Variants in CUX2 observed in about 807,000 individuals in gnomAD.
CUX2 encodes the protein cut like homeobox 2.
In CUX2, 40 loss-of-function variants were observed where a neutral mutation model predicts 144.8. The observed-to-expected ratio is 0.28, with a 90% CI of 0.21 to 0.36. CUX2 has a LOEUF of 0.36. CUX2 is among the 10% of genes least tolerant of loss of function. CUX2 has a pLI of 1.00. For missense variants in CUX2, 1,615 were observed against 1,994.0 expected (o/e 0.81, Z 3.62); for synonymous variants, 827 against 875.6 (o/e 0.94, Z 0.98).
intron 1 of CUX2, among the ~76,000 whole-genome samples, chr12:111,158,188 C>T (rs1877517883): frequency 6.6e-6 from 1 of 152,198 alleles, no homozygotes; most frequent in South Asian, 2.1e-4. Flanking sequence ...CCTTCCCCCT[C>T]TCTTCCTCAC....
In CUX2 at chr12:111,160,114, G is replaced by A. The variant is rs975515873; in HGVS notation, c.64-54086G>A. 5.3e-5 allele frequency among the ~76,000 whole-genome samples: 8 copies of A among 152,224 alleles called. No individual in the cohort carries two copies. The highest frequency in any genetic ancestry group is 1.9e-4 in the African/African-American group (8 of 41,456). On this transcript the variant is annotated intron_variant, in intron 1 of 21. Transcript: ENST00000261726. This position sits in a 1 kb window ranked among gnomAD's most constrained non-coding sequence, Gnocchi z 4.1. ...TCAATATTCATTGAGCTCCTGCTGG[G>A]TGCTGGGCGCTGGGAATACAGCAAT...
intron 1 of CUX2, among the ~76,000 whole-genome samples, chr12:111,114,172 A>G (rs959203063): frequency 6.6e-6 from 1 of 152,220 alleles, no homozygotes; most frequent in African/African-American, 2.4e-5. Flanking sequence ...AATTTTTTCT[A>G]AAGTGGCTGT....
Position 111,322,650 on chromosome 12 carries a change from G to A in CUX2, c.2926+70G>A, listed in dbSNP as rs1887594344. 1 of 1,550,040 alleles carries A rather than the reference G, an allele frequency of 6.5e-7. No homozygotes were observed. Among genetic ancestry groups the A allele is most frequent in the Non-Finnish European group, 8.7e-7 (1 of 1,152,094 alleles). On this transcript the variant is annotated intron_variant, in intron 18 of 21. Transcript: ENST00000261726. The surrounding 1 kb of genome is among the most constrained non-coding windows in gnomAD (Gnocchi z 4.2). ...CACCTGCGCAGTGGCATGTCCGCCT[G>A]GCTTTACTGCCCGAGTCTACCTATC...
intron 4 of CUX2, among the ~76,000 whole-genome samples, chr12:111,272,109 T>G (rs1425036369): frequency 6.6e-6 from 1 of 152,224 alleles, no homozygotes; most frequent in Non-Finnish European, 1.5e-5. Flanking sequence ...TGATCTTAAT[T>G]TTTAAACATT....
chr12:111,143,901 G>T (rs1876496080), intron 1 of CUX2, among the ~76,000 whole-genome samples: 1 of 152,150 alleles, frequency 6.6e-6, no homozygotes, highest in Non-Finnish European at 1.5e-5. Flanking sequence ...AAACCTCTTT[G>T]TGTTTCCTTG....
chr12:111,048,749 T>C (rs1870119117), intron 1 of CUX2, among the ~76,000 whole-genome samples: 1 of 152,188 alleles, frequency 6.6e-6, no homozygotes, highest in Non-Finnish European at 1.5e-5. Flanking sequence ...ATGCAGGTAT[T>C]CTGTCCCAGG....
intron 1 of CUX2, among the ~76,000 whole-genome samples, chr12:111,047,859 A>G (rs1324325403): frequency 1.3e-5 from 2 of 152,196 alleles, no homozygotes; most frequent in Non-Finnish European, 2.9e-5. Flanking sequence ...CCGCCTGTTT[A>G]TTTAGGGTGA....
intron 1 of CUX2, among the ~76,000 whole-genome samples, chr12:111,104,841 C>T (rs148866453): frequency 2.0e-5 from 3 of 152,302 alleles, no homozygotes; most frequent in East Asian, 1.9e-4. Context: ...GTGACCTTGA[C>T]GCCTTTCAGG....
chr12:111,141,343 T>C (rs1463271379), intron 1 of CUX2, among the ~76,000 whole-genome samples: 1 of 152,154 alleles, frequency 6.6e-6, no homozygotes, highest in Non-Finnish European at 1.5e-5. Flanking sequence ...CTGTACTTGT[T>C]TGGTAACCTG....
chr12:111,308,565 G>A lies in CUX2; in HGVS notation c.1258+39G>A, dbSNP rs765079484. ...ATACTCTGGGGCTGAGGGCTGGGGC[G>A]GGGGCTGCCTGTGGGTCTCTGGCCT... is the stretch of plus-strand genomic sequence containing the variant. On this transcript the variant is annotated intron_variant, in intron 14 of 21. Coordinates refer to ENST00000261726, the MANE Select transcript of CUX2 (RefSeq NM_015267.4). 143 of 1,551,176 alleles carry A rather than the reference G, an allele frequency of 9.2e-5. 1 individual carries two copies. The highest frequency in any genetic ancestry group is 1.2e-4 in the Non-Finnish European group (135 of 1,139,428).
chr12:111,286,597 G>A (rs1885394259), intron 4 of CUX2, among the ~76,000 whole-genome samples: 1 of 152,082 alleles, frequency 6.6e-6, no homozygotes, highest in Non-Finnish European at 1.5e-5. Context: ...TAGTGGCCAG[G>A]CGCAGTGGCT....
rs987622682 is a variant in CUX2 at position 111,171,131 on chromosome 12, G to A, written c.64-43069G>A. On this transcript the variant is annotated intron_variant, in intron 1 of 21. Coordinates refer to ENST00000261726, the MANE Select transcript of CUX2 (RefSeq NM_015267.4). This position sits in a 1 kb window ranked among gnomAD's most constrained non-coding sequence, Gnocchi z 5.0. Reference sequence around the variant, plus strand: ...GGTAACACCTGGAGTCATCCCAGCAGGTGTCAGTGGCTGATTCCACTTGGG... The same window carrying A: ...GGTAACACCTGGAGTCATCCCAGCAAGTGTCAGTGGCTGATTCCACTTGGG... Among the ~76,000 whole-genome samples, 1 of 152,030 alleles carries A rather than the reference G, an allele frequency of 6.6e-6. No individual in the cohort carries two copies. Among genetic ancestry groups the A allele is most frequent in the Non-Finnish European group, 1.5e-5 (1 of 68,004 alleles).
At chr12:111,249,423 T>A (rs1178599060) in intron 3 of CUX2, among the ~76,000 whole-genome samples, 139 of 140,554 alleles carry the variant, frequency 9.9e-4, no homozygotes, top group African/African-American at 2.9e-3. Flanking sequence ...TTTTTTTTTT[T>A]AAATTAATAG....
intron 1 of CUX2, among the ~76,000 whole-genome samples, chr12:111,173,360 AG>A (rs952891529): frequency 1.3e-5 from 2 of 152,246 alleles, no homozygotes; most frequent in African/African-American, 4.8e-5. Context: ...ATAGGATGCC[AG>A]GGGGCACTTT....
At chr12:111,232,931 G>A (rs1010539930) in intron 3 of CUX2, among the ~76,000 whole-genome samples, 1 of 152,108 alleles carries the variant, frequency 6.6e-6, no homozygotes, top group African/African-American at 2.4e-5. Context: ...TCAGACACTC[G>A]CACATCAAGT....
intron 9 of CUX2, among the ~76,000 whole-genome samples, chr12:111,302,899 TAA>T (rs35454022): frequency 0.05 from 5,460 of 109,368 alleles, 123 homozygotes; most frequent in South Asian, 0.094. Context: ...GACTCTGTCT[TAA>T]AAAAAAAAAA....
chr12:111,094,973 C>T (rs1329865735), intron 1 of CUX2, among the ~76,000 whole-genome samples: 2 of 152,170 alleles, frequency 1.3e-5, no homozygotes, highest in East Asian at 3.9e-4. Context: ...CCCCTGGCCC[C>T]CTACCTGGCT....
At chr12:111,177,539 C>T (rs561027972) in intron 1 of CUX2, among the ~76,000 whole-genome samples, 5 of 152,276 alleles carry the variant, frequency 3.3e-5, no homozygotes, top group South Asian at 2.1e-4. Context: ...TACAGGTACG[C>T]GCCACCACGC....
chr12:111,084,296 G>GC (rs2136046067), intron 1 of CUX2, among the ~76,000 whole-genome samples: 1 of 152,286 alleles, frequency 6.6e-6, no homozygotes, highest in African/African-American at 2.4e-5. Context: ...TCCCATTCCT[G>GC]CCCAAGTACC....
Sources: allele counts gnomAD v4.1 joint callset (sites outside exome capture counted in the v4.1 genomes callset), GRCh38; gene constraint gnomAD v4.1.1; non-coding constraint Gnocchi (gnomAD v3.1); transcripts MANE v1.5; gene names NCBI Gene and HGNC (gene_info 2026-07-23, HGNC 2026-07-21).